The following PTPRG variants were observed in gnomAD, a reference collection of about 807,000 sequenced individuals.
The protein encoded by PTPRG is receptor-type tyrosine-protein phosphatase gamma.
Under a neutral mutation model 165.3 loss-of-function variants are expected in PTPRG, and 102 were observed. The observed-to-expected ratio is 0.62, with a 90% CI of 0.53 to 0.73. The LOEUF is 0.73. Among genes scored for constraint, PTPRG ranks in the 30% least tolerant of loss-of-function variants. The pLI is 0.00. For synonymous variants in PTPRG, 675 were observed against 669.5 expected, an observed-to-expected ratio of 1.01 and a Z score of -0.13; for missense variants, 1,866 against 1,861.4, an observed-to-expected ratio of 1.00 and a Z score of -0.05.
intron 2 of PTPRG, among the ~76,000 whole-genome samples, chr3:61,812,112 C>G (rs1316610971): frequency 6.6e-6 from 1 of 152,094 alleles, no homozygotes; most frequent in Admixed American, 6.5e-5. Context: ...TGTGGTTTTG[C>G]AGGATGAAGA....
chr3:61,945,357 C>T lies in PTPRG; in HGVS notation c.191-44268C>T, dbSNP rs1017904841. ...GGCGGATCACCTGAGGTCAGGAGTT[C>T]GAGACGAGCCTGGCCAACATGGTCA... On this transcript the variant is annotated intron_variant, in intron 2 of 29. Coordinates refer to ENST00000474889, the MANE Select transcript of PTPRG (RefSeq NM_002841.4). Among the ~76,000 whole-genome samples the T allele has an allele frequency of 3.3e-5, 5 of 151,792 alleles. No individual in the cohort carries two copies. The South Asian group carries it at 6.2e-4, about 19-fold the overall frequency.
chr3:61,709,448 G>C (rs865996030), intron 1 of PTPRG, among the ~76,000 whole-genome samples: 1 of 152,014 alleles, frequency 6.6e-6, no homozygotes, highest in South Asian at 2.1e-4. Context: ...CCGAATAGCT[G>C]GGATTACAGG....
intron 1 of PTPRG, among the ~76,000 whole-genome samples, chr3:61,629,502 T>C (rs1277305256): frequency 1.3e-5 from 2 of 152,158 alleles, no homozygotes; most frequent in Non-Finnish European, 2.9e-5. Context: ...AAGAGGGTCC[T>C]AGGAAGGACA....
Position 62,190,944 on chromosome 3 carries a change from T to C in PTPRG, c.1034-525T>C, listed in dbSNP as rs537529555. Among the ~76,000 whole-genome samples, 1 of 152,314 alleles carries C rather than the reference T, an allele frequency of 6.6e-6. No homozygotes were observed. On this transcript the variant is annotated intron_variant, in intron 8 of 29. Coordinates refer to ENST00000474889, the MANE Select transcript of PTPRG (RefSeq NM_002841.4). The surrounding 1 kb of genome is among the most constrained non-coding windows in gnomAD (Gnocchi z 5.2). ...TAGTTTCTTTCATGTGAAACTGGTA[T>C]TATGGTTACATAGGAGAGTGTCCTC...
At chr3:61,972,112 G>A (rs904780092) in intron 2 of PTPRG, among the ~76,000 whole-genome samples, 13 of 152,224 alleles carry the variant, frequency 8.5e-5, no homozygotes, top group African/African-American at 2.4e-4. Flanking sequence ...AATGGAAGAC[G>A]GTTTACATAT....
At chr3:61,948,863 C>G (rs1305755114) in intron 2 of PTPRG, among the ~76,000 whole-genome samples, 2 of 152,114 alleles carry the variant, frequency 1.3e-5, no homozygotes, top group Admixed American at 1.3e-4. Context: ...GGAAGAAGCA[C>G]TGAGTTGATG....
intron 2 of PTPRG, among the ~76,000 whole-genome samples, chr3:61,905,017 T>G (rs1046157281): frequency 6.6e-6 from 1 of 152,114 alleles, no homozygotes; most frequent in East Asian, 1.9e-4. Context: ...AAGGCTTTTT[T>G]TCCCCCAGTC....
rs551817183 is a variant in PTPRG, at chr3:62,092,489, G to A, written c.615+14231G>A. ...AAGACAAGGACCTTTGCTTGTTTGGGGTTAATATCCTCAATGCCTATCACA... is the reference window on the plus strand; with the variant it reads ...AAGACAAGGACCTTTGCTTGTTTGGAGTTAATATCCTCAATGCCTATCACA... On this transcript the variant is annotated intron_variant, in intron 5 of 29. Coordinates refer to ENST00000474889, the MANE Select transcript of PTPRG (RefSeq NM_002841.4). 5.3e-5 allele frequency among the ~76,000 whole-genome samples: 8 copies of A among 151,414 alleles called. 2 individuals carry two copies. In the South Asian group the frequency reaches 1.7e-3, roughly 32 times the overall value.
At chr3:61,711,366 G>A (rs951473925) in intron 1 of PTPRG, among the ~76,000 whole-genome samples, 1 of 152,182 alleles carries the variant, frequency 6.6e-6, no homozygotes, top group East Asian at 1.9e-4. Context: ...TACAATGGTT[G>A]AACTAATTCA....
At position 61,848,907 on chromosome 3, in the gene PTPRG, A is replaced by G. The variant is rs2036880020; in HGVS notation, c.190+99925A>G. Among the ~76,000 whole-genome samples, 6 of 152,352 alleles carry G rather than the reference A, an allele frequency of 3.9e-5. No homozygotes were observed. The South Asian group carries it at 1.2e-3, about 32-fold the overall frequency. ...TCAATTCATCTTCACATTATAGTTGAGGAAACTGAAGTTCAGGGAAGTCAG... is the reference window on the plus strand; with the variant it reads ...TCAATTCATCTTCACATTATAGTTGGGGAAACTGAAGTTCAGGGAAGTCAG... On this transcript the variant is annotated intron_variant, in intron 2 of 29. Transcript: ENST00000474889.
At chr3:61,626,165 T>G (rs150994061) in intron 1 of PTPRG, among the ~76,000 whole-genome samples, 1 of 152,190 alleles carries the variant, frequency 6.6e-6, no homozygotes, top group Non-Finnish European at 1.5e-5. Flanking sequence ...GCATCTCTTA[T>G]TGCTTCGTAG....
In PTPRG at chr3:62,245,486, T is replaced by C. The variant is rs1479947385; in HGVS notation, c.2467+1588T>C. Among the ~76,000 whole-genome samples the C allele has an allele frequency of 1.3e-5, 2 of 152,158 alleles. No individual in the cohort carries two copies. Among genetic ancestry groups the C allele is most frequent in the African/African-American group, 2.4e-5 (1 of 41,436 alleles). On this transcript the variant is annotated intron_variant, in intron 15 of 29. Transcript: ENST00000474889. The surrounding 1 kb of genome is among the most constrained non-coding windows in gnomAD (Gnocchi z 4.2). ...GTAACTGAAATCCATTTTTGAAGAG[T>C]TAAATGGTGAAATACTTACTGGGCT...
At chr3:61,769,096 A>G (rs1194175862) in intron 2 of PTPRG, among the ~76,000 whole-genome samples, 2 of 152,306 alleles carry the variant, frequency 1.3e-5, no homozygotes, top group African/African-American at 4.8e-5. Flanking sequence ...TGTGATGACA[A>G]TATGTATTTA....
chr3:62,137,511 G>C (rs1395309999), intron 6 of PTPRG, among the ~76,000 whole-genome samples: 3 of 152,078 alleles, frequency 2.0e-5, no homozygotes, highest in African/African-American at 7.2e-5. Flanking sequence ...AGAAGAATTG[G>C]GCCCTTTCTG....
At chr3:61,610,132 CTTG>C (rs537665218) in intron 1 of PTPRG, among the ~76,000 whole-genome samples, 70 of 151,022 alleles carry the variant, frequency 4.6e-4, no homozygotes, top group African/African-American at 1.7e-3. Context: ...ATCACTTAAT[CTTG>C]TTGTGCCTCA....
chr3:61,766,896 A>G (rs1456817119), intron 2 of PTPRG, among the ~76,000 whole-genome samples: 4 of 151,842 alleles, frequency 2.6e-5, no homozygotes, highest in Non-Finnish European at 4.4e-5. Flanking sequence ...CTGGGATTAC[A>G]GGCATGAGCC....
rs563820771 is a variant in PTPRG at position 62,252,055 on chromosome 3, T to C, written c.2468-3069T>C. On this transcript the variant is annotated intron_variant, in intron 15 of 29. Coordinates refer to ENST00000474889, the MANE Select transcript of PTPRG (RefSeq NM_002841.4). This position sits in a 1 kb window ranked among gnomAD's most constrained non-coding sequence, Gnocchi z 4.6. ...CCATAATAATCTCTCATTTAATCTGTTGTCAGTGAAAACATCTTCACTTTG... is the reference window on the plus strand; with the variant it reads ...CCATAATAATCTCTCATTTAATCTGCTGTCAGTGAAAACATCTTCACTTTG... 3.9e-5 allele frequency among the ~76,000 whole-genome samples: 6 copies of C among 152,322 alleles called. No individual in the cohort carries two copies. The East Asian group carries it at 5.8e-4, about 15-fold the overall frequency.
Position 62,167,992 on chromosome 3 carries a change from T to G in PTPRG, c.862T>G (p.Phe288Val). The change falls in exon 8 of 30, where the codon TTC becomes GTC. Residue 288 changes from phenylalanine (F) to valine (V), a missense_variant. Physicochemically the swap from Phe to Val is conservative, Grantham distance 50. Around this residue, in one of 3 missense-constraint regions of PTPRG, gnomAD observed 408 missense variants for 376.2 expected, o/e 1.08. Transcript: ENST00000474889. ...YHQLEAFYSI[F>V]TTEQQDHVKS... Reference sequence around the variant, plus strand: ...TCAGCTTGAGGCTTTTTATTCCATCTTCACCACGGAGCAGCAAGACCATGT... The same window carrying G: ...TCAGCTTGAGGCTTTTTATTCCATCGTCACCACGGAGCAGCAAGACCATGT... 6.2e-7 allele frequency: 1 copy of G among 1,613,660 alleles called. No individual in the cohort carries two copies. The highest frequency in any genetic ancestry group is 8.5e-7 in the Non-Finnish European group (1 of 1,179,798).
chr3:62,129,168 A>T (rs1703422713), intron 5 of PTPRG, among the ~76,000 whole-genome samples: 2 of 152,146 alleles, frequency 1.3e-5, no homozygotes, highest in Non-Finnish European at 2.9e-5. Flanking sequence ...CTGAGCTCAG[A>T]TGAGGTGAAG....
Sources: allele counts gnomAD v4.1 joint callset (sites outside exome capture counted in the v4.1 genomes callset), GRCh38; gene constraint gnomAD v4.1.1; regional missense constraint gnomAD v4.1.1; non-coding constraint Gnocchi (gnomAD v3.1); transcripts MANE v1.5; gene names NCBI Gene and HGNC (gene_info 2026-07-23, HGNC 2026-07-21).